The following ZNF169 variants were observed in gnomAD, a reference collection of about 807,000 sequenced individuals.
The protein encoded by ZNF169 is zinc finger protein 169.
In ZNF169, 11 loss-of-function variants were observed where a neutral mutation model predicts 12.0. That is an observed-to-expected ratio of 0.92 (90% CI 0.58 to 1.52). ZNF169 has a LOEUF of 1.52. Among genes scored for constraint, ZNF169 ranks in the 40% most tolerant of loss-of-function variants. The pLI is 0.00. For synonymous variants in ZNF169, 302 were observed against 286.5 expected, an observed-to-expected ratio of 1.05 and a Z score of -0.55; for missense variants, 722 against 744.0, an observed-to-expected ratio of 0.97 and a Z score of 0.34.
At chr9:94,266,078 T>G (rs1008713378) in intron 1 of ZNF169, among the ~76,000 whole-genome samples, 1 of 60,798 alleles carries the variant, frequency 1.6e-5, no homozygotes, top group Non-Finnish European at 3.5e-5. Flanking sequence ...AGAGAAAGAC[T>G]TTGTCTCAAA....
chr9:94,289,999 A>C (rs1352238385), intron 2 of ZNF169, among the ~76,000 whole-genome samples: 5 of 152,252 alleles, frequency 3.3e-5, no homozygotes, highest in African/African-American at 1.2e-4. Context: ...TTAGAAACAC[A>C]GATGAAGTTA....
chr9:94,293,380 T>A, intron 4 of ZNF169: 1 of 606,648 alleles, frequency 1.6e-6, no homozygotes, highest in African/African-American at 1.9e-5. Flanking sequence ...ACAGTACCTG[T>A]CCTTTGAGAC....
chr9:94,292,232 C>T, intron 2 of ZNF169, 109 bp from the exon 3 acceptor site: 1 of 1,586,538 alleles, frequency 6.3e-7, no homozygotes, highest in African/African-American at 1.3e-5. Flanking sequence ...GTAAATCTCA[C>T]TTGGGTGCTC....
chr9:94,271,281 G>C (rs1334946355), intron 1 of ZNF169, among the ~76,000 whole-genome samples: 1 of 150,908 alleles, frequency 6.6e-6, no homozygotes, highest in East Asian at 2.0e-4. Flanking sequence ...TTTTTTTGTA[G>C]AGATGGGGTT....
intron 1 of ZNF169, among the ~76,000 whole-genome samples, chr9:94,264,085 C>T (rs766737732): frequency 2.6e-5 from 4 of 152,122 alleles, no homozygotes; most frequent in Non-Finnish European, 5.9e-5. Context: ...TGTATTGAAT[C>T]TTCATATGCT....
chr9:94,301,385 G>GT lies in ZNF169; in HGVS notation c.*16dup, dbSNP rs1424077232. The GT allele has an allele frequency of 1.3e-6, 2 of 1,578,146 alleles. No individual in the cohort carries two copies. Among genetic ancestry groups the GT allele is most frequent in the African/African-American group, 1.4e-5 (1 of 73,716 alleles). On this transcript the variant is annotated 3_prime_UTR_variant, in exon 5 of 5. Transcript: ENST00000395395. Reference sequence around the variant, plus strand: ...AGGTCTTCTGACCTTTCCTTTCCCCGTGAGTGTGAAGCTGGCAGAAATCAC... The same window carrying GT: ...AGGTCTTCTGACCTTTCCTTTCCCCGTTGAGTGTGAAGCTGGCAGAAATCAC...
chr9:94,287,897 G>A, intron 2 of ZNF169: 1 of 971,946 alleles, frequency 1.0e-6, no homozygotes, highest in South Asian at 1.3e-5. Context: ...CTATTCCGAA[G>A]CTAGTGTTAC....
intron 1 of ZNF169, among the ~76,000 whole-genome samples, chr9:94,266,478 G>A (rs181049497): frequency 4.6e-5 from 7 of 152,134 alleles, no homozygotes; most frequent in Admixed American, 1.3e-4. Flanking sequence ...TAGAGGCAGC[G>A]CCTGCTGAAA....
intron 1 of ZNF169, among the ~76,000 whole-genome samples, chr9:94,265,000 G>GTA (rs1170142084): frequency 1.1e-5 from 1 of 95,210 alleles, no homozygotes; most frequent in Non-Finnish European, 2.2e-5. Flanking sequence ...CTAGGCTGAT[G>GTA]TATATCTCTT....
chr9:94,293,050 T>A lies in ZNF169; in HGVS notation c.237T>A (p.His79Gln). 1.9e-6 allele frequency: 3 copies of A among 1,613,186 alleles called. No homozygotes were observed. The highest frequency in any genetic ancestry group is 2.5e-6 in the Non-Finnish European group (3 of 1,179,634). ...GDEPWREENEHLLDLCPEPRT... is the reference protein window; with the variant it reads ...GDEPWREENEQLLDLCPEPRT... Reference sequence around the variant, plus strand: ...AACCTTGGAGAGAGGAGAACGAACATCTTCTGGACCTTTGTCCAGGTGAGT... The same window carrying A: ...AACCTTGGAGAGAGGAGAACGAACAACTTCTGGACCTTTGTCCAGGTGAGT... The change falls in exon 4 of 5, where the codon CAT (histidine) becomes CAA (glutamine). Residue 79 changes from histidine (H) to glutamine (Q), a missense_variant. Physicochemically the swap from His to Gln is conservative, Grantham distance 24. Transcript: ENST00000395395.
chr9:94,292,937 ACT>A (rs1830874574), intron 3 of ZNF169, 35 bp from the exon 4 acceptor site: 10 of 1,561,836 alleles, frequency 6.4e-6, no homozygotes, highest in Non-Finnish European at 7.9e-6. Flanking sequence ...TAAGCCACTA[ACT>A]CAAGATCACC....
chr9:94,291,396 T>C (rs3118749), intron 2 of ZNF169, among the ~76,000 whole-genome samples: 135,851 of 152,166 alleles, frequency 0.89, 61,371 homozygotes, highest in East Asian at 0.99. Context: ...TTTCCTTCCA[T>C]GATTGGGAAC....
intron 1 of ZNF169, among the ~76,000 whole-genome samples, chr9:94,278,009 T>C (rs1378473943): frequency 6.6e-6 from 1 of 152,138 alleles, no homozygotes; most frequent in Non-Finnish European, 1.5e-5. Flanking sequence ...TCATCACATA[T>C]TGAATTGTCT....
chr9:94,293,028 C>CGAACAGCTGGAGCAAGGCGACGAACT lies in ZNF169; in HGVS notation c.215_216insGAACAGCTGGAGCAAGGCGACGAACT (p.Trp73AsnfsTer49). ...GAACAGCTGGAGCAAGGCGACGAAC[C>CGAACAGCTGGAGCAAGGCGACGAACT]TTGGAGAGAGGAGAACGAACATCTT... On this transcript the variant is annotated frameshift_variant, in exon 4 of 5. Coordinates refer to ENST00000395395, the MANE Select transcript of ZNF169 (RefSeq NM_194320.4). LOFTEE classifies it low-confidence loss of function (END_TRUNC). 1 of 1,613,128 alleles carries CGAACAGCTGGAGCAAGGCGACGAACT rather than the reference C, an allele frequency of 6.2e-7. No individual in the cohort carries two copies. Among genetic ancestry groups the CGAACAGCTGGAGCAAGGCGACGAACT allele is most frequent in the Non-Finnish European group, 8.5e-7 (1 of 1,179,548 alleles).
intron 2 of ZNF169, among the ~76,000 whole-genome samples, chr9:94,281,962 G>A (rs1830647441): frequency 6.6e-6 from 1 of 152,150 alleles, no homozygotes. Flanking sequence ...CTGGCTCTTA[G>A]TTGATGATCT....
intron 1 of ZNF169, among the ~76,000 whole-genome samples, chr9:94,278,174 G>A (rs1289956585): frequency 6.6e-6 from 1 of 152,104 alleles, no homozygotes; most frequent in Non-Finnish European, 1.5e-5. Context: ...TTATGAAATT[G>A]ACTCGTTATA....
At chr9:94,297,132 A>G (rs765270078) in intron 4 of ZNF169, among the ~76,000 whole-genome samples, 2 of 150,036 alleles carry the variant, frequency 1.3e-5, no homozygotes, top group Non-Finnish European at 2.9e-5. Context: ...TTTCATATGA[A>G]TTTTAGAATC....
chr9:94,270,936 T>A (rs1830406755), intron 1 of ZNF169, among the ~76,000 whole-genome samples: 1 of 45,218 alleles, frequency 2.2e-5, no homozygotes, highest in Non-Finnish European at 3.4e-5. Flanking sequence ...AAATAATATA[T>A]AATATATTAT....
chr9:94,274,095 G>A (rs992841275), intron 1 of ZNF169, among the ~76,000 whole-genome samples: 1 of 152,104 alleles, frequency 6.6e-6, no homozygotes, highest in Non-Finnish European at 1.5e-5. Flanking sequence ...TCCTCCCTGT[G>A]TCTTCACATG....
Sources: allele counts gnomAD v4.1 joint callset (sites outside exome capture counted in the v4.1 genomes callset), GRCh38; gene constraint gnomAD v4.1.1; transcripts MANE v1.5; gene names NCBI Gene and HGNC (gene_info 2026-07-23, HGNC 2026-07-21).